Variants in SLC9A5 observed in about 807,000 individuals in gnomAD.
The protein encoded by SLC9A5 is solute carrier family 9 member A5.
A neutral mutation model predicts 91.7 loss-of-function variants in SLC9A5; 52 were observed. The observed-to-expected ratio is 0.57, with a 90% CI of 0.45 to 0.71. SLC9A5 has a LOEUF of 0.71. Ranked by LOEUF, SLC9A5 falls within the 30% of genes least tolerant of loss-of-function variation. SLC9A5 has a pLI of 0.00. For synonymous variants in SLC9A5, 419 were observed against 474.5 expected, an observed-to-expected ratio of 0.88 and a Z score of 1.52; for missense variants, 871 against 1,158.9, an observed-to-expected ratio of 0.75 and a Z score of 3.61.
At chr16:67,259,791 C>G in intron 11 of SLC9A5, 29 bp from the exon 12 acceptor site, 3 of 1,612,222 alleles carry the variant, frequency 1.9e-6, no homozygotes, top group Non-Finnish European at 2.5e-6. Context: ...TGCCCCCTCT[C>G]CAGCACATGT....
At chr16:67,254,286 G>T (rs1422810261) in intron 2 of SLC9A5, among the ~76,000 whole-genome samples, 1 of 152,190 alleles carries the variant, frequency 6.6e-6, no homozygotes. Flanking sequence ...ACAGGTGTGG[G>T]AGAAAGCACT....
chr16:67,257,219 C>T lies in SLC9A5; in HGVS notation c.1335+106C>T, dbSNP rs998688123. The T allele has an allele frequency of 1.4e-6, 2 of 1,391,648 alleles. No homozygotes were observed. The highest frequency in any genetic ancestry group is 2.8e-5 in the African/African-American group (2 of 70,376). The allele number at this position is 1,391,648 out of a possible 1,614,324, so 86.2% of individuals were successfully genotyped here. A position where few individuals can be genotyped will look rare whatever the true frequency, so the allele number is the denominator to read the frequency against. On this transcript the variant is annotated intron_variant, in intron 7 of 15. Transcript: ENST00000299798. This position sits in a 1 kb window ranked among gnomAD's most constrained non-coding sequence, Gnocchi z 5.1. ...CTCTTCCCGCTGGGAGATGGAGGGC[C>T]CTGACTTCCCAGACCTTGAGTGCAG...
intron 15 of SLC9A5, among the ~76,000 whole-genome samples, chr16:67,268,711 T>TATATATATATATATA (rs55635044): frequency 8.2e-5 from 8 of 97,520 alleles, no homozygotes; most frequent in African/African-American, 9.5e-5. Flanking sequence ...TATATATATA[T>TATATATATATATATA]TTTTACAGTA....
intron 14 of SLC9A5, among the ~76,000 whole-genome samples, chr16:67,265,816 G>C (rs1422854025): frequency 6.6e-6 from 1 of 152,208 alleles, no homozygotes; most frequent in East Asian, 1.9e-4. Flanking sequence ...GGGGCTGAAA[G>C]AAGAGGATGG....
At chr16:67,264,970 C>A in intron 13 of SLC9A5, 70 bp from the exon 14 acceptor site, 1 of 1,503,748 alleles carries the variant, frequency 6.7e-7, no homozygotes, top group Non-Finnish European at 9.3e-7. Flanking sequence ...GTCCTGTTGA[C>A]CCCACCAGAT....
chr16:67,257,678 T>C lies in SLC9A5; in HGVS notation c.1496+77T>C. On this transcript the variant is annotated intron_variant, in intron 9 of 15. Coordinates refer to ENST00000299798, the MANE Select transcript of SLC9A5 (RefSeq NM_004594.3). The surrounding 1 kb of genome is among the most constrained non-coding windows in gnomAD (Gnocchi z 5.1). ...GGAAGCATGGGGGATGTGCCACACT[T>C]CTGAGAAGGGACAGAGCCAGGTTCA... 6.8e-7 allele frequency: 1 copy of C among 1,471,790 alleles called. No individual in the cohort carries two copies. The highest frequency in any genetic ancestry group is 9.5e-7 in the Non-Finnish European group (1 of 1,053,434). 91.2% of individuals were successfully genotyped at this position (1,471,790 alleles called of 1,614,324 possible).
At chr16:67,262,260 C>T (rs866471582) in intron 12 of SLC9A5, 21 of 457,282 alleles carry the variant, frequency 4.6e-5, no homozygotes, top group Admixed American at 1.9e-4. Context: ...AGACTTTCCT[C>T]CAGACTGACA....
rs773226370 is a variant in SLC9A5, at chr16:67,252,611, T to C, written c.257T>C (p.Val86Ala). ...ESCLLILLGL[V>A]LGGIVLAVAK... Reference sequence around the variant, plus strand: ...TGCCTGCTGATTTTGCTGGGCCTGGTGCTAGGGGGAATTGTTTTGGCTGTG... The same window carrying C: ...TGCCTGCTGATTTTGCTGGGCCTGGCGCTAGGGGGAATTGTTTTGGCTGTG... The change falls in exon 2 of 16, where the codon GTG (valine) becomes GCG (alanine). Residue 86 changes from valine (V) to alanine (A), a missense_variant. Around this residue, in one of 3 missense-constraint regions of SLC9A5, gnomAD observed 122 missense variants for 114.5 expected, o/e 1.07. Coordinates refer to ENST00000299798, the MANE Select transcript of SLC9A5 (RefSeq NM_004594.3). The surrounding 1 kb of genome is among the most constrained non-coding windows in gnomAD (Gnocchi z 4.0). 25 of 1,614,034 alleles carry C rather than the reference T, an allele frequency of 1.5e-5. No homozygotes were observed. Among genetic ancestry groups the C allele is most frequent in the Non-Finnish European group, 2.1e-5 (25 of 1,180,060 alleles).
In SLC9A5 at chr16:67,256,356, A is replaced by C; in HGVS notation, c.912-113A>C. On this transcript the variant is annotated intron_variant, in intron 5 of 15. Transcript: ENST00000299798. This position sits in a 1 kb window ranked among gnomAD's most constrained non-coding sequence, Gnocchi z 4.1. ...CAGGCCTCCCTGGGCTTCAGCTCTG[A>C]GAGTCTGACATCCTGTAATGGGCAA... The C allele has an allele frequency of 1.4e-6, 1 of 739,890 alleles. No individual in the cohort carries two copies. The highest frequency in any genetic ancestry group is 2.3e-6 in the Non-Finnish European group (1 of 430,056). The allele number at this position is 739,890 out of a possible 1,614,324, so 45.8% of individuals were successfully genotyped here. A position where few individuals can be genotyped will look rare whatever the true frequency, so the allele number is the denominator to read the frequency against.
rs201953318 is a variant in SLC9A5, at chr16:67,266,090, G to A, written c.2083G>A (p.Ala695Thr). 16 of 1,611,578 alleles carry A rather than the reference G, an allele frequency of 9.9e-6. No homozygotes were observed. The highest frequency in any genetic ancestry group is 1.2e-5 in the Non-Finnish European group (14 of 1,178,978). The change falls in exon 15 of 16, where the codon GCT becomes ACT. Residue 695 changes from alanine (A) to threonine (T), a missense_variant and splice_region_variant. Physicochemically the swap from Ala to Thr is moderately conservative, Grantham distance 58 (BLOSUM62 0). Around this residue, in one of 3 missense-constraint regions of SLC9A5, gnomAD observed 295 missense variants for 326.0 expected, o/e 0.90. Coordinates refer to ENST00000299798, the MANE Select transcript of SLC9A5 (RefSeq NM_004594.3). ...HRGLGFQDTAAVILTVESEEE... is the reference protein window; with the variant it reads ...HRGLGFQDTATVILTVESEEE... ...ACTCTGCTCTTGTCTCTGTCCAGCTGCTGTGATATTAACCGTGGAGTCTGA... is the reference window on the plus strand; with the variant it reads ...ACTCTGCTCTTGTCTCTGTCCAGCTACTGTGATATTAACCGTGGAGTCTGA...
chr16:67,265,190 G>T, intron 14 of SLC9A5, 84 bp downstream of exon 14: 1 of 1,284,718 alleles, frequency 7.8e-7, no homozygotes. Flanking sequence ...TGGAGGACCC[G>T]CTGTAGGGTG....
chr16:67,252,866 G>T lies in SLC9A5; in HGVS notation c.490+22G>T, dbSNP rs750404248. 6.3e-7 allele frequency: 1 copy of T among 1,598,140 alleles called. No homozygotes were observed. The highest frequency in any genetic ancestry group is 8.5e-7 in the Non-Finnish European group (1 of 1,173,810). On this transcript the variant is annotated intron_variant, in intron 2 of 15. Coordinates refer to ENST00000299798, the MANE Select transcript of SLC9A5 (RefSeq NM_004594.3). This position sits in a 1 kb window ranked among gnomAD's most constrained non-coding sequence, Gnocchi z 4.0. ...GTAGGTGAGTGACCCTAAGACCTGG[G>T]CTTTGCCAGACCCATCACCCCTCTC...
intron 15 of SLC9A5, among the ~76,000 whole-genome samples, chr16:67,268,607 C>A (rs181020365): frequency 1.7e-3 from 218 of 130,954 alleles, no homozygotes; most frequent in Non-Finnish European, 2.7e-3. Flanking sequence ...AACCACAATG[C>A]CTTTCCCATA....
intron 15 of SLC9A5, among the ~76,000 whole-genome samples, chr16:67,268,325 ATTTTTT>A (rs548983298): frequency 8.1e-6 from 1 of 123,960 alleles, no homozygotes. Context: ...CCAGATAAGG[ATTTTTT>A]TTTTTTTTTT....
chr16:67,256,272 A>T lies in SLC9A5; in HGVS notation c.912-197A>T, dbSNP rs1456126791. Among the ~76,000 whole-genome samples the T allele has an allele frequency of 2.0e-5, 3 of 152,102 alleles. No homozygotes were observed. Among genetic ancestry groups the T allele is most frequent in the South Asian group, 4.2e-4 (2 of 4,814 alleles). On this transcript the variant is annotated intron_variant, in intron 5 of 15. Transcript: ENST00000299798. This position sits in a 1 kb window ranked among gnomAD's most constrained non-coding sequence, Gnocchi z 4.1. ...TTCCTTCCACCTTCCCTTCCAGGAG[A>T]CACTGAATGGGAAGCCTGGAGATCT...
chr16:67,249,104 T>A lies in SLC9A5; in HGVS notation c.90T>A (p.Pro30=). 6.5e-7 allele frequency: 1 copy of A among 1,543,138 alleles called. No homozygotes were observed. The highest frequency in any genetic ancestry group is 8.7e-7 in the Non-Finnish European group (1 of 1,151,182). The change falls in exon 1 of 16, where the codon CCT becomes CCA. Residue 30 remains proline, a synonymous_variant. Transcript: ENST00000299798. ...PTQKPESPGE[P]PPGLELFRWQ... ...AGAAGCCAGAGTCCCCGGGCGAGCC[T>A]CCCCCAGGCTTAGAGCTCTTCCGCT... is the stretch of plus-strand genomic sequence containing the variant.
chr16:67,252,501 T>C lies in SLC9A5; in HGVS notation c.188-41T>C. On this transcript the variant is annotated intron_variant, in intron 1 of 15. Transcript: ENST00000299798. This position sits in a 1 kb window ranked among gnomAD's most constrained non-coding sequence, Gnocchi z 4.0. The stretch of plus-strand genomic sequence containing the variant: ...TCATAGGCCTGTGTGTGGGAGGATA[T>C]TCCATAAACTGATCCATCCTGCACT... The C allele has an allele frequency of 6.5e-7, 1 of 1,529,702 alleles. No individual in the cohort carries two copies. Among genetic ancestry groups the C allele is most frequent in the Non-Finnish European group, 8.9e-7 (1 of 1,123,048 alleles). The allele number at this position is 1,529,702 out of a possible 1,614,324, so 94.8% of individuals were successfully genotyped here. A position where few individuals can be genotyped will look rare whatever the true frequency, so the allele number is the denominator to read the frequency against.
Position 67,256,759 on chromosome 16 carries a change from T to A in SLC9A5, c.1132+70T>A. The A allele has an allele frequency of 7.3e-7, 1 of 1,375,486 alleles. No individual in the cohort carries two copies. The highest frequency in any genetic ancestry group is 1.2e-5 in the South Asian group (1 of 85,890). 85.2% of individuals were successfully genotyped at this position (1,375,486 alleles called of 1,614,324 possible). ...CCCCTCCCTGCAGCTCATCTCCCTATCTGAGTCCACATCTTTGTCAATTCC... is the reference window on the plus strand; with the variant it reads ...CCCCTCCCTGCAGCTCATCTCCCTAACTGAGTCCACATCTTTGTCAATTCC... On this transcript the variant is annotated intron_variant, in intron 6 of 15. Coordinates refer to ENST00000299798, the MANE Select transcript of SLC9A5 (RefSeq NM_004594.3). This position sits in a 1 kb window ranked among gnomAD's most constrained non-coding sequence, Gnocchi z 4.1.
intron 15 of SLC9A5, among the ~76,000 whole-genome samples, chr16:67,267,020 C>T (rs1406454725): frequency 2.0e-5 from 3 of 149,764 alleles, no homozygotes; most frequent in Non-Finnish European, 3.0e-5. Flanking sequence ...TCAAGTGATC[C>T]TCCCACCTCA....
Sources: gnomAD v4.1 joint callset for allele counts (sites outside exome capture counted in the v4.1 genomes callset) on GRCh38, gnomAD v4.1.1 for gene constraint, gnomAD v4.1.1 regional missense constraint, Gnocchi (gnomAD v3.1) non-coding constraint, MANE v1.5 for transcripts, NCBI Gene and HGNC (gene_info 2026-07-23, HGNC 2026-07-21) for gene names.